ADAMTSL3: variants seen among roughly 807,000 people sequenced by gnomAD.
ADAMTSL3 encodes the protein ADAMTS like 3, also known as ADAMTS-like protein 3.
ADAMTSL3 carries 128 observed loss-of-function variants against 201.7 expected under a neutral mutation model. The observed-to-expected ratio is 0.63, with a 90% CI of 0.55 to 0.73. The LOEUF (loss-of-function observed/expected upper bound fraction) is 0.73, where lower values mean the gene tolerates loss of function less well. Ranked by LOEUF, ADAMTSL3 falls within the 30% of genes least tolerant of loss-of-function variation. ADAMTSL3 has a pLI of 0.00. For synonymous variants in ADAMTSL3, 738 were observed against 748.4 expected, an observed-to-expected ratio of 0.99 and a Z score of 0.23; for missense variants, 1,990 against 2,119.6, an observed-to-expected ratio of 0.94 and a Z score of 1.20.
intron 17 of ADAMTSL3, among the ~76,000 whole-genome samples, chr15:83,932,283 A>G (rs928542171): frequency 3.3e-5 from 5 of 152,224 alleles, no homozygotes; most frequent in Admixed American, 2.0e-4. Context: ...AATACTGGGT[A>G]AAATATGTAA....
At chr15:84,026,446 T>G (rs2068309547) in intron 27 of ADAMTSL3, among the ~76,000 whole-genome samples, 1 of 152,182 alleles carries the variant, frequency 6.6e-6, no homozygotes. Flanking sequence ...ACATTGACAG[T>G]CTGATCCTAA....
chr15:83,854,736 T>C (rs1460305441), intron 7 of ADAMTSL3, among the ~76,000 whole-genome samples: 1 of 152,216 alleles, frequency 6.6e-6, no homozygotes, highest in African/African-American at 2.4e-5. Flanking sequence ...CTCATTCTTC[T>C]GTTTTTAAAA....
At chr15:83,884,338 CTT>C (rs35308485) in intron 9 of ADAMTSL3, among the ~76,000 whole-genome samples, 17,116 of 113,752 alleles carry the variant, frequency 0.15, 1,471 homozygotes, top group Middle Eastern at 0.35. Flanking sequence ...GCCCTATTTC[CTT>C]TTTTTTTTTT....
At chr15:83,853,427 A>G (rs1368092797) in intron 7 of ADAMTSL3, among the ~76,000 whole-genome samples, 1 of 152,172 alleles carries the variant, frequency 6.6e-6, no homozygotes, top group African/African-American at 2.4e-5. Context: ...AGTGTTTCTA[A>G]TGTTTAAGCA....
intron 4 of ADAMTSL3, among the ~76,000 whole-genome samples, chr15:83,787,060 A>G (rs758922703): frequency 9.9e-5 from 15 of 152,120 alleles, no homozygotes; most frequent in Non-Finnish European, 1.8e-4. Flanking sequence ...CGCCTAAATC[A>G]TCCTTTTCTC....
rs76002986 is a variant in ADAMTSL3, at chr15:84,021,664, G to T, written c.4457+71G>T. On this transcript the variant is annotated intron_variant, in intron 26 of 29. Transcript: ENST00000286744. The stretch of plus-strand genomic sequence containing the variant: ...TTGTTTTGAAAGGTGCAGTGATTTG[G>T]ACATAATAATTCAATAGCTAAGTTT... 1,903 of 1,527,648 alleles carry T rather than the reference G, an allele frequency of 1.2e-3. 24 individuals carry two copies. In the African/African-American group the frequency reaches 0.023, roughly 19 times the overall value. The allele number at this position is 1,527,648 out of a possible 1,614,324, so 94.6% of individuals were successfully genotyped here.
intron 19 of ADAMTSL3, among the ~76,000 whole-genome samples, chr15:83,958,833 CTA>C (rs150660197): frequency 0.016 from 2,451 of 151,904 alleles, 76 homozygotes; most frequent in African/African-American, 0.055. Flanking sequence ...ATTTTTAAAA[CTA>C]AGGGTAAATT....
chr15:83,852,771 A>G (rs571473408), intron 7 of ADAMTSL3, among the ~76,000 whole-genome samples: 3 of 152,238 alleles, frequency 2.0e-5, no homozygotes, highest in Admixed American at 1.3e-4. Flanking sequence ...TTTATTTCAA[A>G]TGATTAATAT....
intron 23 of ADAMTSL3, among the ~76,000 whole-genome samples, 195 bp downstream of exon 23, chr15:83,991,409 G>A (rs1184272733): frequency 1.3e-5 from 2 of 152,230 alleles, no homozygotes; most frequent in Admixed American, 6.5e-5. Flanking sequence ...TGAGACCGAT[G>A]TATAAAACAG....
chr15:83,858,762 C>T lies in ADAMTSL3; in HGVS notation c.728-4C>T, dbSNP rs779492532. 1.2e-6 allele frequency: 2 copies of T among 1,612,492 alleles called. No individual in the cohort carries two copies. Among genetic ancestry groups the T allele is most frequent in the African/African-American group, 1.3e-5 (1 of 74,924 alleles). ...TATTGCAGTTGCGTTCTGTTCTTTC[C>T]CAGGAGAAGAAAATGTAATTGCTGT... On this transcript the variant is annotated splice_polypyrimidine_tract_variant and splice_region_variant and intron_variant, in intron 7 of 29. Transcript: ENST00000286744.
rs553746697 is a variant in ADAMTSL3, at chr15:83,812,030, GC to G, written c.363+7336del. ...TCCATTCCTGCACAGGAGAGATTATGCAAGTATATTCCTGAATATACTATAG... is the reference window on the plus strand; with the variant it reads ...TCCATTCCTGCACAGGAGAGATTATGAAGTATATTCCTGAATATACTATAG... On this transcript the variant is annotated intron_variant, in intron 5 of 29. Coordinates refer to ENST00000286744, the MANE Select transcript of ADAMTSL3 (RefSeq NM_207517.3). 1.4e-3 allele frequency among the ~76,000 whole-genome samples: 217 copies of G among 152,286 alleles called. 1 individual carries two copies. The highest frequency in any genetic ancestry group is 1.8e-3 in the Non-Finnish European group (121 of 68,028).
chr15:83,898,815 C>T (rs2065668009), intron 14 of ADAMTSL3, among the ~76,000 whole-genome samples: 1 of 152,148 alleles, frequency 6.6e-6, no homozygotes, highest in South Asian at 2.1e-4. Flanking sequence ...GTAAAACTCT[C>T]TTTTGTTATT....
At chr15:83,823,957 TCTTCTTCTTCTTCTTCTCCTCCTC>T (rs1567169864) in intron 6 of ADAMTSL3, among the ~76,000 whole-genome samples, 16 of 66,424 alleles carry the variant, frequency 2.4e-4, no homozygotes, top group Non-Finnish European at 2.4e-4. Context: ...TTCTTCTTCT[TCTTCTTCTTCTTCTTCTCCTCCTC>T]CTCCTCCTCC....
chr15:83,807,485 TAAAGAGGGTGCAA>T (rs2063618974), intron 5 of ADAMTSL3, among the ~76,000 whole-genome samples: 1 of 151,930 alleles, frequency 6.6e-6, no homozygotes, highest in Non-Finnish European at 1.5e-5. Flanking sequence ...AGTAATGAAA[TAAAGAGGGTGCAA>T]AAAGAGGTGT....
rs559931405 is a variant in ADAMTSL3 at position 83,926,408 on chromosome 15, C to T, written c.2117+2375C>T. ...GCAATGAAGTGGTACATCAGATTTA[C>T]ATTTTAAAAAGATTACTCAAACACA... On this transcript the variant is annotated intron_variant, in intron 17 of 29. Coordinates refer to ENST00000286744, the MANE Select transcript of ADAMTSL3 (RefSeq NM_207517.3). 7.9e-5 allele frequency among the ~76,000 whole-genome samples: 12 copies of T among 152,234 alleles called. No homozygotes were observed. In the East Asian group the frequency reaches 2.3e-3, roughly 29 times the overall value.
intron 18 of ADAMTSL3, 23 bp from the exon 19 acceptor site, chr15:83,942,880 C>T: frequency 1.2e-6 from 2 of 1,608,100 alleles, no homozygotes; most frequent in Non-Finnish European, 1.7e-6. Context: ...AGCCTGCCGC[C>T]TCACCCCCTC....
At position 83,744,011 on chromosome 15, in the gene ADAMTSL3, C is replaced by T. The variant is rs570777308; in HGVS notation, c.190-29512C>T. Among the ~76,000 whole-genome samples, 18 of 152,052 alleles carry T rather than the reference C, an allele frequency of 1.2e-4. No individual in the cohort carries two copies. The South Asian group carries it at 2.5e-3, about 21-fold the overall frequency. On this transcript the variant is annotated intron_variant, in intron 3 of 29. Coordinates refer to ENST00000286744, the MANE Select transcript of ADAMTSL3 (RefSeq NM_207517.3). ...GACTACAGGTGCGTGCCACCACTCCCGGCTAATTTTTTGTATTTTTAGTAG... is the reference window on the plus strand; with the variant it reads ...GACTACAGGTGCGTGCCACCACTCCTGGCTAATTTTTTGTATTTTTAGTAG...
At chr15:83,691,283 T>C (rs2061604541) in intron 2 of ADAMTSL3, among the ~76,000 whole-genome samples, 1 of 152,216 alleles carries the variant, frequency 6.6e-6, no homozygotes, top group Non-Finnish European at 1.5e-5. Context: ...TACTGCACCT[T>C]CATCCTCCTG....
chr15:83,719,013 C>T (rs1351360281), intron 3 of ADAMTSL3, among the ~76,000 whole-genome samples: 1 of 152,102 alleles, frequency 6.6e-6, no homozygotes, highest in Non-Finnish European at 1.5e-5. Context: ...CATCATTTTG[C>T]AACTCTAATG....
Sources: allele counts gnomAD v4.1 joint callset (sites outside exome capture counted in the v4.1 genomes callset), GRCh38; gene constraint gnomAD v4.1.1; transcripts MANE v1.5; gene names NCBI Gene and HGNC (gene_info 2026-07-23, HGNC 2026-07-21).